The following SETD7 variants were observed in gnomAD, a reference collection of about 807,000 sequenced individuals.
SETD7 encodes the protein SET domain containing 7, histone lysine methyltransferase, also known as histone-lysine N-methyltransferase SETD7.
SETD7 carries 16 observed loss-of-function variants against 41.8 expected under a neutral mutation model. The observed-to-expected ratio is 0.38, with a 90% CI of 0.26 to 0.58. The LOEUF (loss-of-function observed/expected upper bound fraction) is 0.58. Among genes scored for constraint, SETD7 ranks in the 20% least tolerant of loss-of-function variants. The probability of loss-of-function intolerance (pLI) is 0.64; values close to 1 mark genes in which losing one functional copy is unlikely to be tolerated. For synonymous variants in SETD7, 163 were observed against 169.7 expected, an observed-to-expected ratio of 0.96 and a Z score of 0.31; for missense variants, 346 against 459.7, an observed-to-expected ratio of 0.75 and a Z score of 2.26.
At chr4:139,533,516 A>G in intron 2 of SETD7, 150 bp from the exon 3 acceptor site, 1 of 662,492 alleles carries the variant, frequency 1.5e-6, no homozygotes, top group South Asian at 1.9e-5. Context: ...GACTGCTAGG[A>G]AAAGGTGCTT....
chr4:139,519,047 T>TTTACCATAA (rs1727109198), intron 6 of SETD7, among the ~76,000 whole-genome samples: 1 of 152,234 alleles, frequency 6.6e-6, no homozygotes, highest in African/African-American at 2.4e-5. Context: ...AGCGGTACCA[T>TTTACCATAA]GTGCCGGGCA....
chr4:139,547,160 C>A lies in SETD7; in HGVS notation c.41-111G>T, dbSNP rs1250396903. ...AGTCCCCCACCCAACTCCCCTCCAG[C>A]TGCCAAAGGGTCCCCTCCCTGGAAA... On this transcript the variant is annotated intron_variant, in intron 1 of 7. Coordinates refer to ENST00000274031, the MANE Select transcript of SETD7 (RefSeq NM_030648.4). 5.1e-6 allele frequency: 7 copies of A among 1,385,028 alleles called. No individual in the cohort carries two copies. In the East Asian group the frequency reaches 1.4e-4, roughly 28 times the overall value. The allele number at this position is 1,385,028 out of a possible 1,614,324, so 85.8% of individuals were successfully genotyped here.
At chr4:139,505,514 C>T (rs1027282822), downstream of SETD7, among the ~76,000 whole-genome samples, 9 of 151,768 alleles carry the variant, frequency 5.9e-5, no homozygotes, top group Admixed American at 1.3e-4. Context: ...GCTTGAATCC[C>T]GGAGGTGGAG....
In SETD7 at chr4:139,514,994, C is replaced by T. The variant is rs536450592; in HGVS notation, c.920+2891G>A. Among the ~76,000 whole-genome samples the T allele has an allele frequency of 3.0e-4, 46 of 152,008 alleles. No individual in the cohort carries two copies. The South Asian group carries it at 8.1e-3, about 27-fold the overall frequency. ...CACCCTTACCAACATGGCATAAACC[C>T]GTCTCTACTAAAAATACAAAAATCA... On this transcript the variant is annotated intron_variant, in intron 7 of 7. Transcript: ENST00000274031.
exon 8 of SETD7, chr4:139,496,497 C>T: frequency 1.4e-6 from 1 of 702,242 alleles, no homozygotes; most frequent in Non-Finnish European, 2.6e-6. Flanking sequence ...TTCTTTTACA[C>T]GTTCCCAGGT....
At position 139,511,575 on chromosome 4, in the gene SETD7, G is replaced by T; in HGVS notation, c.*88C>A. The T allele has an allele frequency of 6.3e-7, 1 of 1,588,628 alleles. No homozygotes were observed. The highest frequency in any genetic ancestry group is 1.2e-5 in the South Asian group (1 of 86,170). On this transcript the variant is annotated 3_prime_UTR_variant, in exon 8 of 8. Transcript: ENST00000274031. ...GAGAGGATGTGACGTCACAGCATGA[G>T]CAGTCCCTGGTTGTCCCATTGTCAG...
At position 139,523,350 on chromosome 4, in the gene SETD7, T is replaced by C. The variant is rs1003989800; in HGVS notation, c.644+4A>G. 1 of 1,605,726 alleles carries C rather than the reference T, an allele frequency of 6.2e-7. No homozygotes were observed. The highest frequency in any genetic ancestry group is 1.7e-5 in the Admixed American group (1 of 59,948). ...TGCAATTAAAACCCCAAGGAGGAAA[T>C]TACCTTTCTGATTCATAAGGATCTG... On this transcript the variant is annotated splice_donor_region_variant and intron_variant, in intron 5 of 7. Transcript: ENST00000274031.
chr4:139,518,192 G>T, intron 6 of SETD7, 150 bp from the exon 7 acceptor site: 2 of 775,106 alleles, frequency 2.6e-6, no homozygotes, highest in East Asian at 3.2e-5. Context: ...CAAGTAGCGT[G>T]ATCTTGGCTC....
chr4:139,493,220 G>A (rs1726384323), downstream of SETD7, among the ~76,000 whole-genome samples: 1 of 152,238 alleles, frequency 6.6e-6, no homozygotes, highest in East Asian at 1.9e-4. Context: ...GGCCTTCTGA[G>A]ACATGACGGT....
At chr4:139,542,363 T>A (rs1305300801) in intron 2 of SETD7, among the ~76,000 whole-genome samples, 1 of 152,176 alleles carries the variant, frequency 6.6e-6, no homozygotes. Context: ...CAGTAATATA[T>A]TGTATACTTC....
At chr4:139,500,332 C>T (rs571861875) in intron 7 of SETD7, among the ~76,000 whole-genome samples, 2 of 152,286 alleles carry the variant, frequency 1.3e-5, no homozygotes, top group East Asian at 3.9e-4. Flanking sequence ...GGTCCCTACT[C>T]CCACTCCAGC....
chr4:139,515,336 T>A (rs978090393), intron 7 of SETD7, among the ~76,000 whole-genome samples: 4 of 152,166 alleles, frequency 2.6e-5, no homozygotes, highest in Admixed American at 6.6e-5. Flanking sequence ...GCAAACAAAC[T>A]AACAAACAAC....
rs1449664549 is a variant in SETD7, at chr4:139,511,692, T to A, written c.1072A>T (p.Lys358Ter). Residue 358 changes from lysine to a stop codon, truncating the protein, a stop_gained, in exon 8 of 8, where the codon AAG becomes TAG. Transcript: ENST00000274031. LOFTEE classifies it high-confidence loss of function. ...TTTTGCTGGGTGGCCTGGAAGGCCT[T>A]CAGCTCCACCTGGTACCACTCAGGG... is the stretch of plus-strand genomic sequence containing the variant. ...EAPEWYQVEL[K>*]AFQATQQK 1 of 1,613,438 alleles carries A rather than the reference T, an allele frequency of 6.2e-7. No homozygotes were observed. Among genetic ancestry groups the A allele is most frequent in the Non-Finnish European group, 8.5e-7 (1 of 1,179,802 alleles).
chr4:139,515,564 G>A (rs571246672), intron 7 of SETD7, among the ~76,000 whole-genome samples: 44 of 152,314 alleles, frequency 2.9e-4, no homozygotes, highest in Admixed American at 6.5e-4. Context: ...GTGCAGCTTG[G>A]AATGACACTT....
intron 7 of SETD7, 58 bp downstream of exon 7, chr4:139,517,827 C>T: frequency 9.8e-6 from 15 of 1,536,506 alleles, no homozygotes; most frequent in East Asian, 2.3e-5. Context: ...TTACTGCCCT[C>T]CTCCGTCTCA....
intron 5 of SETD7, among the ~76,000 whole-genome samples, chr4:139,521,459 C>T (rs558932328): frequency 1.5e-4 from 22 of 151,650 alleles, no homozygotes; most frequent in Admixed American, 5.9e-4. Context: ...CTCATAATTA[C>T]GGAACTGGAT....
At chr4:139,500,662 C>T (rs1238988019) in intron 7 of SETD7, among the ~76,000 whole-genome samples, 2 of 152,206 alleles carry the variant, frequency 1.3e-5, no homozygotes, top group Non-Finnish European at 2.9e-5. Context: ...GCATGCACCA[C>T]CACGCCCAGC....
At chr4:139,532,210 G>A (rs548795394) in intron 3 of SETD7, among the ~76,000 whole-genome samples, 4 of 152,360 alleles carry the variant, frequency 2.6e-5, no homozygotes, top group African/African-American at 7.2e-5. Context: ...AGGAGGCCAA[G>A]GCAGGTGGAT....
chr4:139,531,109 G>A (rs1389676738), intron 3 of SETD7, among the ~76,000 whole-genome samples: 1 of 152,108 alleles, frequency 6.6e-6, no homozygotes, highest in African/African-American at 2.4e-5. Context: ...ACTGGGTAGG[G>A]GTTAAGAGGA....
Sources: gnomAD v4.1 joint callset for allele counts (sites outside exome capture counted in the v4.1 genomes callset) on GRCh38, gnomAD v4.1.1 for gene constraint, MANE v1.5 for transcripts, NCBI Gene and HGNC (gene_info 2026-07-23, HGNC 2026-07-21) for gene names.